COMMD10: variants seen among roughly 807,000 people sequenced by gnomAD.
COMMD10 encodes COMM domain-containing protein 10.
COMMD10 carries 33 observed loss-of-function variants against 28.9 expected under a neutral mutation model. The ratio of observed to expected loss-of-function variants is 1.14; its 90% CI spans 0.87 to 1.53. COMMD10 has a LOEUF of 1.53. COMMD10 is among the 40% of genes most tolerant of loss of function. COMMD10 has a pLI of 0.00. For missense variants in COMMD10, 310 were observed against 233.4 expected (o/e 1.33, Z -2.14); for synonymous variants, 110 against 81.7 (o/e 1.35, Z -1.87).
At chr5:116,129,360 A>G (rs1265055849) in intron 4 of COMMD10, among the ~76,000 whole-genome samples, 1 of 145,602 alleles carries the variant, frequency 6.9e-6, no homozygotes, top group Non-Finnish European at 1.5e-5. Context: ...TATATATGCT[A>G]TATACTATAG....
rs956631655 is a variant in COMMD10, at chr5:116,087,368, G to C, written c.42-129G>C. 4.9e-6 allele frequency: 3 copies of C among 610,202 alleles called. No homozygotes were observed. In the African/African-American group the frequency reaches 5.6e-5, roughly 11 times the overall value. 37.8% of individuals were successfully genotyped at this position (610,202 alleles called of 1,614,324 possible). ...CTGCCTTTTTTGCTGGCTGTCATCT[G>C]TTTTTATTTCACTCAGATTTACCAT... On this transcript the variant is annotated intron_variant, in intron 1 of 6. Transcript: ENST00000274458.
intron 5 of COMMD10, among the ~76,000 whole-genome samples, chr5:116,251,293 T>A (rs1750110174): frequency 6.7e-6 from 1 of 149,182 alleles, no homozygotes; most frequent in African/African-American, 2.5e-5. Context: ...TTTATTTATT[T>A]ATTTATTTAT....
At chr5:116,211,602 A>G (rs1748965454) in intron 5 of COMMD10, among the ~76,000 whole-genome samples, 2 of 152,176 alleles carry the variant, frequency 1.3e-5, no homozygotes, top group Non-Finnish European at 2.9e-5. Context: ...GTCACTTATT[A>G]GCACATTAAT....
At chr5:116,212,316 C>T (rs556961859) in intron 5 of COMMD10, among the ~76,000 whole-genome samples, 22 of 152,022 alleles carry the variant, frequency 1.4e-4, no homozygotes, top group Non-Finnish European at 3.1e-4. Context: ...AGTAGTAATC[C>T]TCTCTCCAGG....
chr5:116,165,614 CTG>C (rs1010341606), intron 5 of COMMD10, among the ~76,000 whole-genome samples: 7 of 151,534 alleles, frequency 4.6e-5, no homozygotes, highest in Non-Finnish European at 8.9e-5. Flanking sequence ...GTGGGTGTAT[CTG>C]TGTGTGTGTT....
intron 4 of COMMD10, among the ~76,000 whole-genome samples, chr5:116,118,866 ATAAG>A (rs1358270268): frequency 6.6e-6 from 1 of 152,230 alleles, no homozygotes; most frequent in African/African-American, 2.4e-5. Context: ...TCTCCACTGC[ATAAG>A]TAATTGGCTG....
At chr5:116,251,351 TTACA>T (rs1320685433) in intron 5 of COMMD10, among the ~76,000 whole-genome samples, 21 of 149,426 alleles carry the variant, frequency 1.4e-4, no homozygotes, top group African/African-American at 5.1e-4. Context: ...TGCAGGTTAG[TTACA>T]TACGTATACA....
intron 5 of COMMD10, among the ~76,000 whole-genome samples, chr5:116,255,199 C>G (rs6893543): frequency 2.8e-4 from 43 of 151,464 alleles, no homozygotes; most frequent in African/African-American, 9.5e-4. Context: ...TGTCTCTGCC[C>G]GTGAGATGGG....
intron 4 of COMMD10, among the ~76,000 whole-genome samples, chr5:116,109,575 CAG>C (rs1260404925): frequency 6.6e-6 from 1 of 152,204 alleles, no homozygotes; most frequent in African/African-American, 2.4e-5. Flanking sequence ...GCCTGGGCGA[CAG>C]AGTGAGACTC....
At chr5:116,197,815 C>T (rs1372621261) in intron 5 of COMMD10, among the ~76,000 whole-genome samples, 1 of 152,144 alleles carries the variant, frequency 6.6e-6, no homozygotes, top group Non-Finnish European at 1.5e-5. Context: ...TTTGAGTAGA[C>T]TCCAGTTCAC....
intron 5 of COMMD10, among the ~76,000 whole-genome samples, chr5:116,180,576 A>C (rs988930627): frequency 6.6e-6 from 1 of 152,056 alleles, no homozygotes; most frequent in Non-Finnish European, 1.5e-5. Flanking sequence ...TTCTATTAGC[A>C]GTTCATTCTA....
At chr5:116,247,597 G>A (rs1305516612) in intron 5 of COMMD10, among the ~76,000 whole-genome samples, 1 of 152,092 alleles carries the variant, frequency 6.6e-6, no homozygotes. Context: ...TAAAGAAAAT[G>A]TGGTACATAC....
intron 4 of COMMD10, among the ~76,000 whole-genome samples, chr5:116,095,248 T>C (rs2112715309): frequency 6.6e-6 from 1 of 152,236 alleles, no homozygotes; most frequent in Non-Finnish European, 1.5e-5. Context: ...ACATGATCAT[T>C]ACACAGTCTA....
intron 5 of COMMD10, among the ~76,000 whole-genome samples, chr5:116,157,553 A>C (rs1028423899): frequency 6.6e-6 from 1 of 152,172 alleles, no homozygotes; most frequent in Non-Finnish European, 1.5e-5. Context: ...AGGTCTTTGG[A>C]GATCTGGTAC....
chr5:116,171,106 A>G (rs1163724131), intron 5 of COMMD10, among the ~76,000 whole-genome samples: 1 of 151,482 alleles, frequency 6.6e-6, no homozygotes, highest in African/African-American at 2.4e-5. Context: ...TCTAATATCC[A>G]GAATCTACAA....
intron 5 of COMMD10, among the ~76,000 whole-genome samples, chr5:116,259,358 T>C (rs1750376262): frequency 6.6e-6 from 1 of 151,774 alleles, no homozygotes; most frequent in Admixed American, 6.6e-5. Flanking sequence ...TTTTTAATTT[T>C]GTAGCAGTCT....
At chr5:116,210,226 T>G (rs1292519822) in intron 5 of COMMD10, among the ~76,000 whole-genome samples, 1 of 152,180 alleles carries the variant, frequency 6.6e-6, no homozygotes, top group African/African-American at 2.4e-5. Flanking sequence ...GCAATGGCAA[T>G]TAAATTTCAA....
chr5:116,112,159 C>G (rs1173165907), intron 4 of COMMD10, among the ~76,000 whole-genome samples: 1 of 152,100 alleles, frequency 6.6e-6, no homozygotes, highest in African/African-American at 2.4e-5. Context: ...AAGATTATTT[C>G]TACTTCATTT....
At chr5:116,268,357 T>C (rs548062646) in intron 5 of COMMD10, among the ~76,000 whole-genome samples, 8 of 151,926 alleles carry the variant, frequency 5.3e-5, no homozygotes, top group East Asian at 1.9e-4. Context: ...AAAATGCTCA[T>C]CATCACTGGC....
Sources: gnomAD v4.1 joint callset for allele counts (sites outside exome capture counted in the v4.1 genomes callset) on GRCh38, gnomAD v4.1.1 for gene constraint, MANE v1.5 for transcripts, NCBI Gene and HGNC (gene_info 2026-07-23, HGNC 2026-07-21) for gene names.